Variants in TET1 observed in about 807,000 individuals in gnomAD.
TET1 encodes the protein tet methylcytosine dioxygenase 1.
TET1 carries 13 observed loss-of-function variants against 148.7 expected under a neutral mutation model. The observed-to-expected ratio is 0.09, with a 90% CI of 0.06 to 0.14. TET1 has a LOEUF of 0.14. Among genes scored for constraint, TET1 ranks in the 10% least tolerant of loss-of-function variants. The pLI is 1.00. For missense variants in TET1, 2,182 were observed against 2,553.8 expected, an observed-to-expected ratio of 0.85 and a Z score of 3.14; for synonymous variants, 907 against 937.2, an observed-to-expected ratio of 0.97 and a Z score of 0.59.
chr10:68,586,887 T>C (rs536715913), intron 2 of TET1, among the ~76,000 whole-genome samples: 1 of 152,334 alleles, frequency 6.6e-6, no homozygotes, highest in South Asian at 2.1e-4. Flanking sequence ...GTGGGTATTG[T>C]ATATGTTTGA....
chr10:68,587,732 G>A (rs1222238029), intron 2 of TET1, among the ~76,000 whole-genome samples: 2 of 152,164 alleles, frequency 1.3e-5, no homozygotes, highest in Non-Finnish European at 2.9e-5. Flanking sequence ...GAAGGTGGAA[G>A]GAGACTAACA....
intron 8 of TET1, among the ~76,000 whole-genome samples, chr10:68,676,826 C>T (rs944574676): frequency 6.6e-6 from 1 of 152,188 alleles, no homozygotes; most frequent in African/African-American, 2.4e-5. Flanking sequence ...TGCAAACTTC[C>T]TACTTGATGG....
At chr10:68,688,513 C>A (rs1455217636) in intron 11 of TET1, among the ~76,000 whole-genome samples, 11 of 142,632 alleles carry the variant, frequency 7.7e-5, no homozygotes, top group Admixed American at 7.2e-4. Flanking sequence ...CAGCTCACTG[C>A]AAGTTGTGCC....
intron 6 of TET1, among the ~76,000 whole-genome samples, chr10:68,654,353 C>A (rs1299221902): frequency 6.6e-6 from 1 of 152,060 alleles, no homozygotes; most frequent in African/African-American, 2.4e-5. Context: ...CAGTGGCTCA[C>A]GCCTGTAATC....
intron 2 of TET1, among the ~76,000 whole-genome samples, chr10:68,588,835 A>AAT (rs397962363): frequency 3.3e-5 from 5 of 151,808 alleles, no homozygotes; most frequent in Admixed American, 2.6e-4. Context: ...AAAAAAAAAA[A>AAT]TGTTGGCTGG....
At chr10:68,655,217 G>A (rs943254408) in intron 6 of TET1, among the ~76,000 whole-genome samples, 5 of 152,138 alleles carry the variant, frequency 3.3e-5, no homozygotes, top group African/African-American at 1.2e-4. Flanking sequence ...ATTCTCAGAA[G>A]CCCCAGTTAT....
At chr10:68,624,600 TTC>T (rs1554937994) in intron 3 of TET1, among the ~76,000 whole-genome samples, 43 of 132,554 alleles carry the variant, frequency 3.2e-4, no homozygotes, top group African/African-American at 8.1e-4. Context: ...TATTTTCTTT[TTC>T]TCTTTCTTTC....
At chr10:68,597,745 A>G (rs2054005023) in intron 2 of TET1, among the ~76,000 whole-genome samples, 1 of 152,256 alleles carries the variant, frequency 6.6e-6, no homozygotes, top group Admixed American at 6.5e-5. Flanking sequence ...GTACATACAA[A>G]GGAATATTGT....
chr10:68,645,292 C>A lies in TET1; in HGVS notation c.2563C>A (p.Gln855Lys). ...TGCTAGTATACACAATGAAGGTGATCAACCAAAAACTCCTGAGAATATACC... is the reference window on the plus strand; with the variant it reads ...TGCTAGTATACACAATGAAGGTGATAAACCAAAAACTCCTGAGAATATACC... ...HHASIHNEGDQPKTPENIPSK... is the reference protein window; with the variant it reads ...HHASIHNEGDKPKTPENIPSK... Residue 855 changes from glutamine (Q) to lysine (K), a missense_variant, in exon 4 of 12, where the codon CAA becomes AAA. Gln to Lys is a moderately conservative substitution (Grantham distance 53, BLOSUM62 1). Transcript: ENST00000373644. The A allele has an allele frequency of 6.2e-7, 1 of 1,614,084 alleles. No homozygotes were observed. The highest frequency in any genetic ancestry group is 8.5e-7 in the Non-Finnish European group (1 of 1,180,014).
At chr10:68,601,182 C>G in intron 3 of TET1, 148 bp downstream of exon 3, 1 of 667,862 alleles carries the variant, frequency 1.5e-6, no homozygotes, top group South Asian at 2.1e-5. Context: ...AAAGTGTTTT[C>G]TCTCTCTTTT....
At chr10:68,674,537 G>A (rs2055323737) in intron 8 of TET1, 4 of 531,654 alleles carry the variant, frequency 7.5e-6, no homozygotes, top group Non-Finnish European at 1.4e-5. Context: ...TTGCTGATAT[G>A]CAGAATGATA....
intron 6 of TET1, among the ~76,000 whole-genome samples, chr10:68,660,986 T>A (rs1453042539): frequency 1.3e-5 from 2 of 151,202 alleles, no homozygotes; most frequent in African/African-American, 2.4e-5. Flanking sequence ...AAATTTTTTT[T>A]AATTGTGTAA....
rs2053573395 is a variant in TET1, at chr10:68,563,243, C to T, written c.-123+2501C>T. Among the ~76,000 whole-genome samples, 4 of 152,136 alleles carry T rather than the reference C, an allele frequency of 2.6e-5. No individual in the cohort carries two copies. In the South Asian group the frequency reaches 8.3e-4, roughly 31 times the overall value. ...TGTGCTGGCATTCTAGTGAGTTTCC[C>T]TGAACAGCTTTTACATGTGCCGAGG... On this transcript the variant is annotated intron_variant, in intron 1 of 11. Coordinates refer to ENST00000373644, the MANE Select transcript of TET1 (RefSeq NM_030625.3).
intron 8 of TET1, chr10:68,674,715 T>G (rs138851960): frequency 0.017 from 8,269 of 484,778 alleles, 126 homozygotes; most frequent in South Asian, 0.026. Flanking sequence ...GGTGCTTACT[T>G]GCTTCATGTG....
At position 68,644,889 on chromosome 10, in the gene TET1, T is replaced by C. The variant is rs148774667; in HGVS notation, c.2160T>C (p.Asp720=). 1.8e-5 allele frequency: 29 copies of C among 1,612,930 alleles called. No homozygotes were observed. In the African/African-American group the frequency reaches 3.6e-4, roughly 20 times the overall value. ...WTQNKKSQLT[D]HVKGDFSANV... is the part of the protein sequence containing the mutation. ...AAAACAAGAAATCACAGTTAACTGA[T>C]CACGTGAAAGGAGATTTTAGTGCTA... Residue 720 remains aspartate, a synonymous_variant, in exon 4 of 12, where the codon GAT becomes GAC. Coordinates refer to ENST00000373644, the MANE Select transcript of TET1 (RefSeq NM_030625.3).
chr10:68,676,426 A>G lies in TET1; in HGVS notation c.4824+3381A>G, dbSNP rs2055363144. The stretch of plus-strand genomic sequence containing the variant: ...AGCCTCCCAAGTGGCTGGGACTACA[A>G]GCGCCCACCACCACAGCCGGCTAAT... On this transcript the variant is annotated intron_variant, in intron 8 of 11. Coordinates refer to ENST00000373644, the MANE Select transcript of TET1 (RefSeq NM_030625.3). 2.7e-5 allele frequency among the ~76,000 whole-genome samples: 4 copies of G among 149,942 alleles called. No homozygotes were observed. The Admixed American group carries it at 2.7e-4, about 10-fold the overall frequency.
At position 68,646,424 on chromosome 10, in the gene TET1, C is replaced by T; in HGVS notation, c.3695C>T (p.Pro1232Leu). 1 of 1,614,080 alleles carries T rather than the reference C, an allele frequency of 6.2e-7. No individual in the cohort carries two copies. Among genetic ancestry groups the T allele is most frequent in the Non-Finnish European group, 8.5e-7 (1 of 1,180,024 alleles). ...GCTCAAACGAGGTCCATTATGCAAC[C>T]CAAAACAGTATTTCCACCACTCACT... is the stretch of plus-strand genomic sequence containing the variant. ...PLAQTRSIMQ[P>L]KTVFPPLTQI... is the part of the protein sequence containing the mutation. The change falls in exon 4 of 12, where the codon CCC (proline) becomes CTC (leucine). Residue 1232 changes from proline to leucine, a missense_variant. Coordinates refer to ENST00000373644, the MANE Select transcript of TET1 (RefSeq NM_030625.3).
Position 68,645,421 on chromosome 10 carries a change from A to G in TET1, c.2692A>G (p.Thr898Ala). The change falls in exon 4 of 12, where the codon ACT (threonine) becomes GCT (alanine). Residue 898 changes from threonine to alanine, a missense_variant. Around this residue, in one of 11 missense-constraint regions of TET1, gnomAD observed 582 missense variants for 599.5 expected, o/e 0.97. Transcript: ENST00000373644. ...GCAAGTGGTAGCCATAGAGGCCCTG[A>G]CTCAACTCTCAGAAGCCCCATCAGA... is the stretch of plus-strand genomic sequence containing the variant. Reference protein sequence around the residue: ...LEQVVAIEALTQLSEAPSENS... With the variant: ...LEQVVAIEALAQLSEAPSENS... The G allele has an allele frequency of 1.2e-6, 2 of 1,614,012 alleles. No homozygotes were observed. The highest frequency in any genetic ancestry group is 1.7e-6 in the Non-Finnish European group (2 of 1,180,044).
chr10:68,625,988 G>T (rs115133904), intron 3 of TET1, among the ~76,000 whole-genome samples: 1 of 151,808 alleles, frequency 6.6e-6, no homozygotes, highest in African/African-American at 2.4e-5. Flanking sequence ...GAAGGCTGAG[G>T]GGGGAGAATC....
Sources: allele counts gnomAD v4.1 joint callset (sites outside exome capture counted in the v4.1 genomes callset), GRCh38; gene constraint gnomAD v4.1.1; regional missense constraint gnomAD v4.1.1; transcripts MANE v1.5; gene names NCBI Gene and HGNC (gene_info 2026-07-23, HGNC 2026-07-21).